The following YBEY variants were observed in gnomAD, a reference collection of about 807,000 sequenced individuals.
YBEY encodes the protein ybeY metalloendoribonuclease, also known as endoribonuclease YbeY.
A neutral mutation model predicts 13.5 loss-of-function variants in YBEY; 15 were observed. The observed-to-expected ratio is 1.11, with a 90% CI of 0.75 to 1.72. The LOEUF is 1.72. Ranked by LOEUF, YBEY falls within the 40% of genes most tolerant of loss-of-function variation. YBEY has a pLI of 0.00. For missense variants in YBEY, 244 were observed against 208.4 expected (o/e 1.17, Z -1.05); for synonymous variants, 101 against 83.1 (o/e 1.21, Z -1.17).
chr21:46,302,071 ATGGTGGTGG>A (rs71318063), downstream of YBEY: 122 of 1,506,850 alleles, frequency 8.1e-5, 1 homozygote, highest in South Asian at 1.2e-3. Context: ...GCCACACAGC[ATGGTGGTGG>A]TGGTGGTGGT....
chr21:46,292,341 T>G (rs2081751169), intron 3 of YBEY: 1 of 152,248 alleles, frequency 6.6e-6, no homozygotes, highest in African/African-American at 2.4e-5. Context: ...CTGGTTCTCC[T>G]CAGGACACCT....
intron 1 of YBEY, 143 bp from the exon 2 acceptor site, chr21:46,286,727 T>TC: frequency 1.7e-6 from 1 of 590,442 alleles, no homozygotes; most frequent in South Asian, 2.2e-5. Flanking sequence ...CGTTGTTGCT[T>TC]CCTCCTTGTG....
chr21:46,296,585 C>T (rs1196449331), intron 4 of YBEY, among the ~76,000 whole-genome samples: 4 of 152,160 alleles, frequency 2.6e-5, no homozygotes, highest in African/African-American at 7.2e-5. Context: ...CAGACCCATG[C>T]GCTCCGCCTA....
chr21:46,298,092 C>T (rs1601608900), downstream of YBEY, among the ~76,000 whole-genome samples: 1 of 152,252 alleles, frequency 6.6e-6, no homozygotes, highest in African/African-American at 2.4e-5. Context: ...GCTGGTTCCC[C>T]GGGGCCTCCC....
intron 3 of YBEY, among the ~76,000 whole-genome samples, chr21:46,295,391 C>T (rs1409035749): frequency 2.0e-5 from 3 of 152,046 alleles, no homozygotes; most frequent in Non-Finnish European, 4.4e-5. Context: ...CTTCCCTCCA[C>T]CCAAACCCCA....
At chr21:46,301,729 G>C (rs543546185), downstream of YBEY, 2 of 1,205,794 alleles carry the variant, frequency 1.7e-6, no homozygotes, top group African/African-American at 3.1e-5. Context: ...GGAAAGGAGG[G>C]GTCCCTGGGA....
At chr21:46,309,377 G>A in the YBEY span, among the ~76,000 whole-genome samples, 1 of 150,514 alleles carries the variant, frequency 6.6e-6, no homozygotes, top group East Asian at 2.0e-4. Flanking sequence ...CAGGAGAATC[G>A]CTTGAACCCG....
Position 46,287,103 on chromosome 21 carries a change from C to T in YBEY, c.190C>T (p.Leu64Phe), listed in dbSNP as rs777775586. ...AGATAGAAATGTCCCAACCGATGTG[C>T]TTTCTTTTCCATTTCATGAGGTAAA... is the stretch of plus-strand genomic sequence containing the variant. ...YRDRNVPTDVLSFPFHEHLKA... is the reference protein window; with the variant it reads ...YRDRNVPTDVFSFPFHEHLKA... The change falls in exon 2 of 5, where the codon CTT becomes TTT. Residue 64 changes from leucine (L) to phenylalanine (F), a missense_variant. Coordinates refer to ENST00000397701, the MANE Select transcript of YBEY (RefSeq NM_001314025.2). 1 of 1,592,888 alleles carries T rather than the reference C, an allele frequency of 6.3e-7. No homozygotes were observed. Among genetic ancestry groups the T allele is most frequent in the Admixed American group, 1.8e-5 (1 of 56,018 alleles).
chr21:46,311,807 T>C, the YBEY span, among the ~76,000 whole-genome samples: 304 of 50,252 alleles, frequency 6.0e-3, no homozygotes, highest in Admixed American at 7.0e-3. Flanking sequence ...AACCAACCAT[T>C]CATCCACCCA....
chr21:46,302,134 CG>C, downstream of YBEY: 2 of 1,508,770 alleles, frequency 1.3e-6, no homozygotes, highest in Non-Finnish European at 1.8e-6. Context: ...GTGGGACCCT[CG>C]GGGGCACATG....
chr21:46,296,315 C>T lies in YBEY; in HGVS notation c.408+85C>T. Reference sequence around the variant, plus strand: ...GCCCCTGCCAGCCCCCACCCTCCATCTTGACCGCCCCCGCAGGAACTGGAC... The same window carrying T: ...GCCCCTGCCAGCCCCCACCCTCCATTTTGACCGCCCCCGCAGGAACTGGAC... On this transcript the variant is annotated intron_variant, in intron 4 of 4. Transcript: ENST00000397701. 7 of 1,516,106 alleles carry T rather than the reference C, an allele frequency of 4.6e-6. No homozygotes were observed. The South Asian group carries it at 7.9e-5, about 17-fold the overall frequency. 93.9% of individuals were successfully genotyped at this position (1,516,106 alleles called of 1,614,324 possible).
At chr21:46,302,729 C>A (rs1270383480), downstream of YBEY, among the ~76,000 whole-genome samples, 1 of 149,666 alleles carries the variant, frequency 6.7e-6, no homozygotes, top group Non-Finnish European at 1.5e-5. Flanking sequence ...CGGTGCGGGT[C>A]CCCGGGGCGC....
At position 46,291,455 on chromosome 21, in the gene YBEY, T is replaced by C; in HGVS notation, c.332T>C (p.Val111Ala). The C allele has an allele frequency of 1.2e-6, 2 of 1,613,872 alleles. No individual in the cohort carries two copies. ...QCKENEDYND[V>A]LTVTATHGLC... ...AAAGAAAATGAAGATTACAATGACG[T>C]CCTGACTGTAAGCGGGGATGCTGAA... Residue 111 changes from valine to alanine, a missense_variant, in exon 3 of 5, where the codon GTC becomes GCC. Coordinates refer to ENST00000397701, the MANE Select transcript of YBEY (RefSeq NM_001314025.2).
downstream of YBEY, chr21:46,300,590 G>C: frequency 2.7e-6 from 3 of 1,119,232 alleles, no homozygotes; most frequent in Non-Finnish European, 3.4e-6. Flanking sequence ...TGAGAGAAGT[G>C]AGTGTTACTG....
At chr21:46,312,328 T>C in the YBEY span, among the ~76,000 whole-genome samples, 1 of 152,028 alleles carries the variant, frequency 6.6e-6, no homozygotes, top group Non-Finnish European at 1.5e-5. Context: ...GTGTTTTTGT[T>C]TTTTTTTGAG....
At chr21:46,301,194 T>A (rs1322746954), downstream of YBEY, 1 of 579,184 alleles carries the variant, frequency 1.7e-6, no homozygotes, top group African/African-American at 2.0e-5. Flanking sequence ...CAGGCTATAG[T>A]GCAGTGGTTC....
At chr21:46,296,267 G>C (rs373441780) in intron 4 of YBEY, 37 bp downstream of exon 4, 1 of 1,610,812 alleles carries the variant, frequency 6.2e-7, no homozygotes, top group Non-Finnish European at 8.5e-7. Flanking sequence ...GAGGGGGTGC[G>C]TGGGGGAAGG....
the YBEY span, chr21:46,311,522 G>A: frequency 1.2e-6 from 2 of 1,612,418 alleles, no homozygotes; most frequent in Middle Eastern, 1.6e-4. Context: ...GCTATGAGTG[G>A]CTGCTGAGGG....
the YBEY span, among the ~76,000 whole-genome samples, chr21:46,303,699 CACA>C: frequency 9.1e-6 from 1 of 110,468 alleles, no homozygotes; most frequent in Non-Finnish European, 1.8e-5. Context: ...CACACACACA[CACA>C]CACAAAATAT....
Sources: gnomAD v4.1 joint callset for allele counts (sites outside exome capture counted in the v4.1 genomes callset) on GRCh38, gnomAD v4.1.1 for gene constraint, MANE v1.5 for transcripts, NCBI Gene and HGNC (gene_info 2026-07-23, HGNC 2026-07-21) for gene names.